The following STPG2 variants were observed in gnomAD, a reference collection of about 807,000 sequenced individuals.
STPG2 encodes sperm-tail PG-rich repeat-containing protein 2.
A neutral mutation model predicts 54.2 loss-of-function variants in STPG2; 56 were observed. The observed-to-expected ratio is 1.03, with a 90% confidence interval of 0.83 to 1.29. STPG2 has a LOEUF of 1.29. Ranked by LOEUF, STPG2 falls within the 50% of genes most tolerant of loss-of-function variation. The pLI is 0.00. For synonymous variants in STPG2, 200 were observed against 181.8 expected (o/e 1.10, Z -0.81); for missense variants, 596 against 544.9 (o/e 1.09, Z -0.93).
chr4:98,043,604 G>A (rs762865392), intron 5 of STPG2, among the ~76,000 whole-genome samples: 10 of 150,610 alleles, frequency 6.6e-5, no homozygotes, highest in Non-Finnish European at 5.9e-5. Context: ...CTCTCCTCCC[G>A]CATATTATAT....
intron 9 of STPG2, among the ~76,000 whole-genome samples, chr4:97,817,592 C>A (rs1466077945): frequency 2.0e-5 from 3 of 151,920 alleles, no homozygotes; most frequent in Non-Finnish European, 2.9e-5. Context: ...TCCCCATTAT[C>A]TAGAGGATTA....
Position 97,509,152 on chromosome 4 carries a change from C to T in STPG2, c.462+203547G>A, listed in dbSNP as rs148081385. Among the ~76,000 whole-genome samples, 32 of 152,104 alleles carry T rather than the reference C, an allele frequency of 2.1e-4. No homozygotes were observed. The East Asian group carries it at 2.1e-3, about 10-fold the overall frequency. ...ATGGGCTTATGTCTCTCCAGGGTTT[C>T]GATTTTGAACCTGGTCCGTTTCTGT... is the stretch of plus-strand genomic sequence containing the variant. On this transcript the variant is annotated intron_variant, in intron 4 of 4. Coordinates refer to the STPG2 transcript ENST00000522676.
chr4:97,502,372 C>A (rs1304342315), intron 4 of STPG2, among the ~76,000 whole-genome samples: 3 of 151,958 alleles, frequency 2.0e-5, no homozygotes, highest in Non-Finnish European at 2.9e-5. Context: ...TTCATCACAG[C>A]AACATTCAAT....
intron 8 of STPG2, among the ~76,000 whole-genome samples, chr4:97,876,313 C>T (rs1487888091): frequency 2.6e-5 from 4 of 152,118 alleles, no homozygotes; most frequent in Non-Finnish European, 5.9e-5. Context: ...TTTTATATAG[C>T]AAATCAAAGG....
At chr4:97,447,074 G>C (rs553409772) in intron 4 of STPG2, among the ~76,000 whole-genome samples, 95 of 152,198 alleles carry the variant, frequency 6.2e-4, no homozygotes, top group Non-Finnish European at 1.2e-3. Context: ...TAGTGATGTG[G>C]ACAATGAAGT....
At chr4:97,805,301 C>T (rs545511038) in intron 9 of STPG2, among the ~76,000 whole-genome samples, 1 of 152,100 alleles carries the variant, frequency 6.6e-6, no homozygotes. Flanking sequence ...CCCTGCCTTC[C>T]AGGTTGAAGC....
chr4:97,982,329 ATC>A (rs1380281171), intron 5 of STPG2, among the ~76,000 whole-genome samples: 2 of 149,352 alleles, frequency 1.3e-5, no homozygotes, highest in African/African-American at 5.0e-5. Flanking sequence ...TGCCAACTCT[ATC>A]TCTGTTTTGT....
chr4:97,470,354 T>G (rs1018178820), intron 4 of STPG2, among the ~76,000 whole-genome samples: 2 of 152,126 alleles, frequency 1.3e-5, no homozygotes, highest in African/African-American at 2.4e-5. Context: ...TTTCTGTGTT[T>G]TATAGTGTGG....
chr4:97,464,545 T>C (rs1024030982), intron 4 of STPG2, among the ~76,000 whole-genome samples: 1 of 152,118 alleles, frequency 6.6e-6, no homozygotes, highest in African/African-American at 2.4e-5. Context: ...GCCTCCCAAG[T>C]AGCTGGAATT....
intron 10 of STPG2, among the ~76,000 whole-genome samples, chr4:97,676,240 ACAGTAGCTTACCTAC>A (rs1722840434): frequency 6.6e-6 from 1 of 151,544 alleles, no homozygotes; most frequent in African/African-American, 2.4e-5. Context: ...GAAGTTAGTG[ACAGTAGCTTACCTAC>A]CAGCTATTTC....
intron 5 of STPG2, among the ~76,000 whole-genome samples, chr4:98,030,872 T>C (rs1032867684): frequency 1.3e-5 from 2 of 152,158 alleles, no homozygotes; most frequent in Non-Finnish European, 2.9e-5. Flanking sequence ...TTACACAATG[T>C]ACAAAAATTA....
chr4:97,714,991 A>ATT (rs1724244676), intron 9 of STPG2, among the ~76,000 whole-genome samples: 1 of 152,144 alleles, frequency 6.6e-6, no homozygotes, highest in African/African-American at 2.4e-5. Flanking sequence ...AAAAGAAAAG[A>ATT]AATTATTCAA....
intron 5 of STPG2, among the ~76,000 whole-genome samples, chr4:98,101,922 G>A (rs1025203): frequency 0.39 from 57,095 of 148,272 alleles, 11,295 homozygotes; most frequent in Middle Eastern, 0.45. Flanking sequence ...GGCCTTGGAA[G>A]CTCTGATTCT....
intron 9 of STPG2, among the ~76,000 whole-genome samples, chr4:97,728,838 C>G (rs1204485892): frequency 2.0e-5 from 3 of 151,858 alleles, no homozygotes; most frequent in African/African-American, 4.8e-5. Context: ...ACTAACTTAT[C>G]CCTACAAATA....
At chr4:97,580,016 T>G (rs1732824523) in intron 10 of STPG2, among the ~76,000 whole-genome samples, 1 of 152,002 alleles carries the variant, frequency 6.6e-6, no homozygotes, top group South Asian at 2.1e-4. Context: ...GATTGACAGC[T>G]TACTCATGAT....
intron 7 of STPG2, among the ~76,000 whole-genome samples, chr4:97,946,766 A>G (rs112430633): frequency 0.012 from 1,778 of 152,258 alleles, 31 homozygotes; most frequent in African/African-American, 0.041. Context: ...CTACTTTTAT[A>G]TAAGTACTGT....
chr4:97,668,200 C>T (rs1357507704), intron 10 of STPG2, among the ~76,000 whole-genome samples: 1 of 151,982 alleles, frequency 6.6e-6, no homozygotes, highest in Non-Finnish European at 1.5e-5. Flanking sequence ...GTAAGGTATT[C>T]AAGGCAACAG....
intron 10 of STPG2, among the ~76,000 whole-genome samples, chr4:97,680,739 A>C (rs1459141797): frequency 6.6e-6 from 1 of 152,030 alleles, no homozygotes; most frequent in Non-Finnish European, 1.5e-5. Context: ...GAGTAAGAAG[A>C]AATGGAATAG....
At chr4:97,676,542 AAAGG>A (rs70953080) in intron 10 of STPG2, among the ~76,000 whole-genome samples, 66,413 of 130,954 alleles carry the variant, frequency 0.51, 17,269 homozygotes, top group South Asian at 0.64. Flanking sequence ...GAGTTGGAAG[AAAGG>A]AAGGAAGGAA....
Sources: gnomAD v4.1 joint callset for allele counts (sites outside exome capture counted in the v4.1 genomes callset) on GRCh38, gnomAD v4.1.1 for gene constraint, MANE v1.5 for transcripts, NCBI Gene and HGNC (gene_info 2026-07-23, HGNC 2026-07-21) for gene names.